MTUS2: variants seen among roughly 807,000 people sequenced by gnomAD.
MTUS2 encodes the protein microtubule associated scaffold protein 2, also known as microtubule-associated tumor suppressor candidate 2.
MTUS2 carries 40 observed loss-of-function variants against 114.1 expected under a neutral mutation model. The observed-to-expected ratio is 0.35, with a 90% confidence interval of 0.27 to 0.46. The LOEUF is 0.46. MTUS2 is among the 20% of genes least tolerant of loss of function. The pLI is 1.00. For missense variants in MTUS2, 1,679 were observed against 1,705.4 expected, an observed-to-expected ratio of 0.98 and a Z score of 0.27; for synonymous variants, 688 against 672.0, an observed-to-expected ratio of 1.02 and a Z score of -0.37.
intron 4 of MTUS2, among the ~76,000 whole-genome samples, chr13:29,089,894 A>G (rs1889860804): frequency 6.6e-6 from 1 of 152,130 alleles, no homozygotes; most frequent in Non-Finnish European, 1.5e-5. Context: ...TATCTCACTG[A>G]GCTTCCTTGA....
At chr13:29,145,890 G>A (rs748459758) in intron 5 of MTUS2, among the ~76,000 whole-genome samples, 48 of 152,148 alleles carry the variant, frequency 3.2e-4, no homozygotes, top group Non-Finnish European at 6.5e-4. Context: ...ATTCATGGAA[G>A]CACATAAAAC....
intron 5 of MTUS2, among the ~76,000 whole-genome samples, chr13:29,117,637 C>G (rs1391536509): frequency 6.6e-6 from 1 of 152,180 alleles, no homozygotes; most frequent in African/African-American, 2.4e-5. Context: ...AAGCGGCCAC[C>G]CAAGGATCTC....
At chr13:28,921,512 C>G (rs1217349869) in intron 2 of MTUS2, among the ~76,000 whole-genome samples, 1 of 152,168 alleles carries the variant, frequency 6.6e-6, no homozygotes, top group East Asian at 1.9e-4. Context: ...GTGGTGCAAG[C>G]ACTTCCTTAG....
rs1168867660 is a variant in MTUS2 at position 29,075,689 on chromosome 13, T to C, written c.2447-25084T>C. Among the ~76,000 whole-genome samples, 4 of 152,312 alleles carry C rather than the reference T, an allele frequency of 2.6e-5. No individual in the cohort carries two copies. The East Asian group carries it at 7.7e-4, about 29-fold the overall frequency. On this transcript the variant is annotated intron_variant, in intron 4 of 15. Coordinates refer to ENST00000612955, the MANE Select transcript of MTUS2 (RefSeq NM_001033602.4). Reference sequence around the variant, plus strand: ...TTTATGTTTCCTAGAATCCTATTGATTACCAGTCATTTAAGACACTGCCTT... The same window carrying C: ...TTTATGTTTCCTAGAATCCTATTGACTACCAGTCATTTAAGACACTGCCTT...
At chr13:29,133,454 C>T (rs1236786695) in intron 5 of MTUS2, among the ~76,000 whole-genome samples, 1 of 152,072 alleles carries the variant, frequency 6.6e-6, no homozygotes, top group Admixed American at 6.6e-5. Flanking sequence ...AGCTTTTGTC[C>T]TGTTTTCTTC....
At chr13:29,116,872 C>A (rs1327574840) in intron 5 of MTUS2, among the ~76,000 whole-genome samples, 1 of 152,142 alleles carries the variant, frequency 6.6e-6, no homozygotes, top group African/African-American at 2.4e-5. Context: ...CAATTTAAAA[C>A]TTATAAATTG....
intron 5 of MTUS2, among the ~76,000 whole-genome samples, chr13:29,251,626 A>G (rs989191951): frequency 1.3e-5 from 2 of 152,216 alleles, no homozygotes; most frequent in South Asian, 4.2e-4. Flanking sequence ...TCTCATCTCT[A>G]TGAACTGCTA....
intron 2 of MTUS2, among the ~76,000 whole-genome samples, chr13:28,917,380 G>A (rs1357083560): frequency 6.6e-6 from 1 of 151,864 alleles, no homozygotes; most frequent in Non-Finnish European, 1.5e-5. Context: ...CAGCAGTGAA[G>A]CCACTGGGTC....
At chr13:28,993,724 G>A (rs1884961777) in intron 2 of MTUS2, among the ~76,000 whole-genome samples, 1 of 151,904 alleles carries the variant, frequency 6.6e-6, no homozygotes, top group South Asian at 2.1e-4. Flanking sequence ...GTACATGTGT[G>A]GCTTTATTTC....
At chr13:29,032,886 G>A (rs1302917429) in intron 3 of MTUS2, among the ~76,000 whole-genome samples, 2 of 152,060 alleles carry the variant, frequency 1.3e-5, no homozygotes, top group Non-Finnish European at 2.9e-5. Flanking sequence ...TTCATGCATG[G>A]CCCTTAGCAC....
intron 6 of MTUS2, among the ~76,000 whole-genome samples, chr13:29,304,603 A>G (rs1209310702): frequency 6.6e-6 from 1 of 152,192 alleles, no homozygotes; most frequent in Non-Finnish European, 1.5e-5. Flanking sequence ...CTAAATATAT[A>G]TGCACCCAAT....
intron 2 of MTUS2, among the ~76,000 whole-genome samples, chr13:29,005,262 G>C (rs923370196): frequency 1.3e-5 from 2 of 152,170 alleles, no homozygotes; most frequent in Admixed American, 6.5e-5. Context: ...CCCCACACAG[G>C]TTTCTGTGGG....
intron 4 of MTUS2, among the ~76,000 whole-genome samples, chr13:29,060,220 T>C (rs1031684144): frequency 1.3e-5 from 2 of 152,210 alleles, no homozygotes; most frequent in African/African-American, 4.8e-5. Flanking sequence ...GGACCAAGGC[T>C]TGTGGTGGTC....
At chr13:28,914,363 AT>A (rs1880628711) in intron 2 of MTUS2, among the ~76,000 whole-genome samples, 1 of 152,142 alleles carries the variant, frequency 6.6e-6, no homozygotes, top group Non-Finnish European at 1.5e-5. Context: ...CCCAGGAGTC[AT>A]TCAGAGGAAG....
chr13:29,069,389 A>C (rs9508255), intron 4 of MTUS2, among the ~76,000 whole-genome samples: 27,432 of 152,214 alleles, frequency 0.18, 2,918 homozygotes, highest in Non-Finnish European at 0.24. Context: ...CAGGTTGGGC[A>C]GAGTGTGAAT....
At chr13:29,073,993 C>G (rs993249205) in intron 4 of MTUS2, among the ~76,000 whole-genome samples, 1 of 152,158 alleles carries the variant, frequency 6.6e-6, no homozygotes, top group African/African-American at 2.4e-5. Flanking sequence ...ATCCGCTCAG[C>G]CCCGTTCCTG....
rs1230302146 is a variant in MTUS2 at position 29,480,984 on chromosome 13, T to C, written c.3399+620T>C. Among the ~76,000 whole-genome samples the C allele has an allele frequency of 6.6e-6, 1 of 152,138 alleles. No individual in the cohort carries two copies. Among genetic ancestry groups the C allele is most frequent in the East Asian group, 1.9e-4 (1 of 5,186 alleles). On this transcript the variant is annotated intron_variant, in intron 10 of 15. Transcript: ENST00000612955. This position sits in a 1 kb window ranked among gnomAD's most constrained non-coding sequence, Gnocchi z 4.4. The stretch of plus-strand genomic sequence containing the variant: ...AGAAAGCCAAGCCCCCATGGTTCAA[T>C]AATTTGCCAGAATTCACAGAGCTGG...
intron 8 of MTUS2, among the ~76,000 whole-genome samples, chr13:29,401,121 G>A (rs1436246665): frequency 6.6e-6 from 1 of 152,172 alleles, no homozygotes; most frequent in East Asian, 1.9e-4. Context: ...CTGAATACCT[G>A]GGACTACGGG....
At chr13:29,081,887 A>C (rs1889459937) in intron 4 of MTUS2, among the ~76,000 whole-genome samples, 1 of 152,166 alleles carries the variant, frequency 6.6e-6, no homozygotes, top group Non-Finnish European at 1.5e-5. Flanking sequence ...GCAATGACCC[A>C]AGAATATAAA....
Sources: gnomAD v4.1 joint callset for allele counts (sites outside exome capture counted in the v4.1 genomes callset) on GRCh38, gnomAD v4.1.1 for gene constraint, Gnocchi (gnomAD v3.1) non-coding constraint, MANE v1.5 for transcripts, NCBI Gene and HGNC (gene_info 2026-07-23, HGNC 2026-07-21) for gene names.